SUGCT: variants seen among roughly 807,000 people sequenced by gnomAD.
SUGCT encodes succinyl-CoA:glutarate CoA-transferase.
In SUGCT, 41 loss-of-function variants were observed where a neutral mutation model predicts 55.0. The observed-to-expected ratio is 0.74, with a 90% CI of 0.58 to 0.97. The LOEUF is 0.97. Among genes scored for constraint, SUGCT ranks in the 50% least tolerant of loss-of-function variants. SUGCT has a pLI of 0.00. For missense variants in SUGCT, 568 were observed against 547.8 expected (o/e 1.04, Z -0.37); for synonymous variants, 187 against 200.4 (o/e 0.93, Z 0.56).
chr7:40,491,532 T>C (rs1248522228), intron 11 of SUGCT, among the ~76,000 whole-genome samples: 1 of 152,022 alleles, frequency 6.6e-6, no homozygotes, highest in African/African-American at 2.4e-5. Flanking sequence ...AATTATCCTA[T>C]GATACTTAGA....
At chr7:41,003,659 C>T in the SUGCT span, among the ~76,000 whole-genome samples, 2 of 152,102 alleles carry the variant, frequency 1.3e-5, no homozygotes, top group East Asian at 1.9e-4. Context: ...TCAGCCCAGC[C>T]CACCCTATAA....
At chr7:40,786,728 C>T (rs1368802924) in intron 13 of SUGCT, among the ~76,000 whole-genome samples, 1 of 151,014 alleles carries the variant, frequency 6.6e-6, no homozygotes, top group African/African-American at 2.4e-5. Flanking sequence ...CATACCCCCT[C>T]ACTAAAAATA....
At chr7:40,686,835 T>C (rs1348298008) in intron 12 of SUGCT, among the ~76,000 whole-genome samples, 1 of 152,194 alleles carries the variant, frequency 6.6e-6, no homozygotes, top group African/African-American at 2.4e-5. Context: ...TGTTCCCAGC[T>C]GTGGATGGTG....
intron 9 of SUGCT, among the ~76,000 whole-genome samples, chr7:40,375,855 A>C (rs1784517730): frequency 6.6e-6 from 1 of 152,216 alleles, no homozygotes; most frequent in African/African-American, 2.4e-5. Context: ...TTCAGAGTCT[A>C]GTACCATGCC....
chr7:40,635,079 A>G (rs1160167065), intron 12 of SUGCT, among the ~76,000 whole-genome samples: 1 of 152,150 alleles, frequency 6.6e-6, no homozygotes, highest in African/African-American at 2.4e-5. Flanking sequence ...TAAGGCCAAG[A>G]GTTCAAGATC....
the SUGCT span, among the ~76,000 whole-genome samples, chr7:40,892,317 G>A: frequency 1.3e-5 from 2 of 152,012 alleles, no homozygotes; most frequent in Non-Finnish European, 2.9e-5. Context: ...TTTAATGTAA[G>A]CCTCACGATA....
At chr7:40,430,043 T>G (rs901525722) in intron 9 of SUGCT, among the ~76,000 whole-genome samples, 1 of 152,216 alleles carries the variant, frequency 6.6e-6, no homozygotes, top group African/African-American at 2.4e-5. Context: ...TAATATTTTG[T>G]GTAGGTACTA....
chr7:40,750,686 TGAA>T (rs1295758870), intron 13 of SUGCT, among the ~76,000 whole-genome samples: 1 of 152,152 alleles, frequency 6.6e-6, no homozygotes, highest in Non-Finnish European at 1.5e-5. Context: ...TAAAGAAAGT[TGAA>T]GAGAAAATTC....
chr7:40,465,676 A>C (rs1174464643), intron 11 of SUGCT, among the ~76,000 whole-genome samples: 3 of 152,132 alleles, frequency 2.0e-5, no homozygotes. Context: ...TTTGATATCA[A>C]ATTATTTTGA....
At chr7:41,037,948 C>G in the SUGCT span, among the ~76,000 whole-genome samples, 1 of 152,038 alleles carries the variant, frequency 6.6e-6, no homozygotes, top group Admixed American at 6.6e-5. Context: ...AGTGCAGTTG[C>G]TATGAGGGAA....
intron 11 of SUGCT, 111 bp downstream of exon 11, chr7:40,459,309 T>G: frequency 7.1e-6 from 5 of 703,518 alleles, no homozygotes; most frequent in East Asian, 2.9e-5. Context: ...TGTAATTCTC[T>G]TCCATTTTAC....
intron 9 of SUGCT, among the ~76,000 whole-genome samples, chr7:40,398,385 C>G (rs1785864008): frequency 6.6e-6 from 1 of 152,182 alleles, no homozygotes; most frequent in Non-Finnish European, 1.5e-5. Context: ...AGCCACCATG[C>G]CTGGCCCCAC....
intron 3 of SUGCT, 35 bp downstream of exon 3, chr7:40,182,063 A>C: frequency 8.2e-7 from 1 of 1,219,754 alleles, no homozygotes; most frequent in Non-Finnish European, 1.2e-6. Context: ...AATAGAAACA[A>C]GCTAATAAAT....
intron 9 of SUGCT, among the ~76,000 whole-genome samples, chr7:40,408,843 C>G (rs915884946): frequency 6.6e-6 from 1 of 152,140 alleles, no homozygotes; most frequent in African/African-American, 2.4e-5. Context: ...TCACCTTTAA[C>G]CATTTATGTT....
intron 13 of SUGCT, among the ~76,000 whole-genome samples, chr7:40,820,909 A>G (rs1048252455): frequency 1.7e-4 from 26 of 152,182 alleles, no homozygotes; most frequent in African/African-American, 5.5e-4. Context: ...TTTGTCATAA[A>G]TAGCTCTTAT....
chr7:40,318,116 C>G (rs1795534998), intron 9 of SUGCT, among the ~76,000 whole-genome samples: 1 of 152,200 alleles, frequency 6.6e-6, no homozygotes, highest in Non-Finnish European at 1.5e-5. Context: ...TAGAGATCAT[C>G]AGATTTAGTC....
chr7:40,966,738 C>T, the SUGCT span: 2 of 152,164 alleles, frequency 1.3e-5, no homozygotes, highest in Non-Finnish European at 2.9e-5. Context: ...TTAAGCACTC[C>T]GTTAATGCTT....
At chr7:40,163,109 T>G (rs1784257797) in intron 1 of SUGCT, among the ~76,000 whole-genome samples, 1 of 152,184 alleles carries the variant, frequency 6.6e-6, no homozygotes. Context: ...ATGGCTTTTA[T>G]TATTTTTGCC....
intron 12 of SUGCT, among the ~76,000 whole-genome samples, chr7:40,695,112 G>A (rs143159971): frequency 3.9e-5 from 6 of 152,108 alleles, no homozygotes; most frequent in Admixed American, 3.9e-4. Flanking sequence ...AGATGCCTTA[G>A]ACTTTCACCA....
Sources: allele counts gnomAD v4.1 joint callset (sites outside exome capture counted in the v4.1 genomes callset), GRCh38; gene constraint gnomAD v4.1.1; transcripts MANE v1.5; gene names NCBI Gene and HGNC (gene_info 2026-07-23, HGNC 2026-07-21).